ADORA1: variants seen among roughly 807,000 people sequenced by gnomAD.
ADORA1 encodes adenosine A1 receptor.
A neutral mutation model predicts 19.9 loss-of-function variants in ADORA1; 6 were observed. That is an observed-to-expected ratio of 0.30 (90% confidence interval 0.17 to 0.59). The LOEUF is 0.59. ADORA1 is among the 20% of genes least tolerant of loss of function. ADORA1 has a pLI of 0.87. For missense variants in ADORA1, 302 were observed against 439.2 expected (o/e 0.69, Z 2.79); for synonymous variants, 194 against 188.4 (o/e 1.03, Z -0.24).
chr1:203,154,407 A>G (rs1162784423), intron 3 of ADORA1, among the ~76,000 whole-genome samples: 2 of 152,184 alleles, frequency 1.3e-5, no homozygotes, highest in Non-Finnish European at 2.9e-5. Flanking sequence ...CGAGGGCCTT[A>G]TACCAGGAAT....
intron 3 of ADORA1, among the ~76,000 whole-genome samples, chr1:203,140,848 G>T (rs1654658643): frequency 6.6e-6 from 1 of 152,184 alleles, no homozygotes; most frequent in South Asian, 2.1e-4. Context: ...GGACATTAAG[G>T]CCTCTTTTCC....
At chr1:203,138,215 A>G (rs532134120) in intron 3 of ADORA1, among the ~76,000 whole-genome samples, 1 of 152,342 alleles carries the variant, frequency 6.6e-6, no homozygotes, top group East Asian at 1.9e-4. Flanking sequence ...TGGAAGGAAG[A>G]AAATGAGTTT....
Position 203,128,739 on chromosome 1 carries a change from C to T in ADORA1, c.-57-46C>T. 6.6e-7 allele frequency: 1 copy of T among 1,505,354 alleles called. No homozygotes were observed. The allele number at this position is 1,505,354 out of a possible 1,614,324, so 93.2% of individuals were successfully genotyped here. ...TTCCAGGGCAGCCTGAGCTCCCTGC[C>T]CCTCCCAGACGGGTCTCCCCATCCC... On this transcript the variant is annotated intron_variant, in intron 2 of 3. Coordinates refer to ENST00000337894, the MANE Select transcript of ADORA1 (RefSeq NM_000674.3). The surrounding 1 kb of genome is among the most constrained non-coding windows in gnomAD (Gnocchi z 5.9).
In ADORA1 at chr1:203,128,315, A is replaced by T; in HGVS notation, c.-175A>T. 7.8e-7 allele frequency: 1 copy of T among 1,285,928 alleles called. No individual in the cohort carries two copies. Among genetic ancestry groups the T allele is most frequent in the Non-Finnish European group, 1.0e-6 (1 of 986,336 alleles). 79.7% of individuals were successfully genotyped at this position (1,285,928 alleles called of 1,614,324 possible). A position where few individuals can be genotyped will look rare whatever the true frequency, so the allele number is the denominator to read the frequency against. On this transcript the variant is annotated 5_prime_UTR_variant, in exon 2 of 4. The change abolishes an upstream ATG in the 5' untranslated region. Transcript: ENST00000337894. This position sits in a 1 kb window ranked among gnomAD's most constrained non-coding sequence, Gnocchi z 5.9. ...GCGCTGCGGCGGGAGCCGGAGGACT[A>T]TGAGCTGCCGCGCGTTGTCCAGAGC...
chr1:203,150,734 G>A, intron 3 of ADORA1: 2 of 1,289,848 alleles, frequency 1.6e-6, no homozygotes, highest in Non-Finnish European at 1.0e-6. Context: ...GTGGAATGCG[G>A]AGCTGAGTGT....
chr1:203,157,717 T>A (rs1386049955), intron 3 of ADORA1, among the ~76,000 whole-genome samples: 1 of 152,220 alleles, frequency 6.6e-6, no homozygotes, highest in East Asian at 1.9e-4. Context: ...ACCTGCAGAA[T>A]CAGCACCATG....
intron 3 of ADORA1, among the ~76,000 whole-genome samples, chr1:203,145,432 C>T (rs1436071675): frequency 6.6e-6 from 1 of 152,220 alleles, no homozygotes; most frequent in African/African-American, 2.4e-5. Flanking sequence ...GCAGCTCAGC[C>T]TGACTTCTCA....
At chr1:203,155,034 A>G (rs956691654) in intron 3 of ADORA1, among the ~76,000 whole-genome samples, 4 of 145,610 alleles carry the variant, frequency 2.7e-5, no homozygotes, top group Non-Finnish European at 4.5e-5. Context: ...TATTATTATT[A>G]TTATTATTAT....
chr1:203,129,270 A>C, intron 3 of ADORA1, 88 bp downstream of exon 3: 1 of 1,512,740 alleles, frequency 6.6e-7, no homozygotes, highest in Non-Finnish European at 8.8e-7. Context: ...AGAGCATAAG[A>C]CCCCAAGTAA....
chr1:203,142,395 TGTGGA>T (rs1027846958), intron 3 of ADORA1, among the ~76,000 whole-genome samples: 12 of 152,178 alleles, frequency 7.9e-5, no homozygotes, highest in Non-Finnish European at 1.5e-4. Context: ...AATCAATGTC[TGTGGA>T]GTGAAGAAAT....
chr1:203,151,305 T>G (rs574560972), intron 3 of ADORA1, among the ~76,000 whole-genome samples: 1 of 152,282 alleles, frequency 6.6e-6, no homozygotes, highest in Admixed American at 6.5e-5. Context: ...GGTTTAGTGC[T>G]GGGCTGAGCA....
chr1:203,160,763 A>G (rs1166782399), intron 3 of ADORA1, among the ~76,000 whole-genome samples: 3 of 152,212 alleles, frequency 2.0e-5, no homozygotes, highest in Admixed American at 2.0e-4. Context: ...GTTAACTGTG[A>G]TTGTGCCACT....
At chr1:203,136,045 A>ACATCTTGG (rs1165367752) in intron 3 of ADORA1, among the ~76,000 whole-genome samples, 2 of 152,076 alleles carry the variant, frequency 1.3e-5, no homozygotes, top group African/African-American at 4.8e-5. Context: ...GGGGTGAGGC[A>ACATCTTGG]CATCTTGGTT....
At chr1:203,144,445 T>C (rs1023008485) in intron 3 of ADORA1, among the ~76,000 whole-genome samples, 28 of 152,250 alleles carry the variant, frequency 1.8e-4, no homozygotes, top group African/African-American at 6.5e-4. Flanking sequence ...ATTATCTTGC[T>C]GAAATCCTTG....
intron 3 of ADORA1, among the ~76,000 whole-genome samples, chr1:203,155,016 TTTA>T (rs4020534): frequency 0.071 from 10,133 of 142,256 alleles, 369 homozygotes; most frequent in African/African-American, 0.1. Flanking sequence ...GCTCTTCCTA[TTTA>T]TTATTATTAT....
intron 3 of ADORA1, among the ~76,000 whole-genome samples, chr1:203,141,572 ATTTTTTTTTT>A (rs56188119): frequency 4.1e-5 from 3 of 73,566 alleles, no homozygotes; most frequent in East Asian, 5.1e-4. Flanking sequence ...TCTAACCTGG[ATTTTTTTTTT>A]TTTTTTTTTT....
At chr1:203,138,235 C>T (rs1339205847) in intron 3 of ADORA1, among the ~76,000 whole-genome samples, 1 of 152,154 alleles carries the variant, frequency 6.6e-6, no homozygotes, top group Non-Finnish European at 1.5e-5. Flanking sequence ...TGGATTTAGA[C>T]ATGCTGACTT....
chr1:203,146,894 C>T (rs1219801984), intron 3 of ADORA1, among the ~76,000 whole-genome samples: 1 of 152,186 alleles, frequency 6.6e-6, no homozygotes, highest in East Asian at 1.9e-4. Flanking sequence ...CCACATGGTC[C>T]ACAGAGGTGA....
chr1:203,142,500 G>A (rs975792122), intron 3 of ADORA1, among the ~76,000 whole-genome samples: 4 of 152,192 alleles, frequency 2.6e-5, no homozygotes, highest in African/African-American at 7.2e-5. Flanking sequence ...TTTTATATTC[G>A]CCTACAGAAG....
Sources: allele counts gnomAD v4.1 joint callset (sites outside exome capture counted in the v4.1 genomes callset), GRCh38; gene constraint gnomAD v4.1.1; non-coding constraint Gnocchi (gnomAD v3.1); transcripts MANE v1.5; gene names NCBI Gene and HGNC (gene_info 2026-07-23, HGNC 2026-07-21).